The following C7orf57 variants were observed in gnomAD, a reference collection of about 807,000 sequenced individuals.
C7orf57 encodes the protein uncharacterized protein C7orf57.
In C7orf57, 33 loss-of-function variants were observed where a neutral mutation model predicts 39.0. The observed-to-expected ratio is 0.85, with a 90% confidence interval of 0.64 to 1.13. The LOEUF is 1.13. Among genes scored for constraint, C7orf57 ranks in the 50% most tolerant of loss-of-function variants. The pLI is 0.00. For synonymous variants in C7orf57, 124 were observed against 137.1 expected (o/e 0.90, Z 0.67); for missense variants, 346 against 362.3 (o/e 0.95, Z 0.37).
chr7:48,036,307 C>A lies in C7orf57; in HGVS notation c.-2C>A, dbSNP rs752340669. 3.0e-5 allele frequency: 48 copies of A among 1,585,456 alleles called. No individual in the cohort carries two copies. The highest frequency in any genetic ancestry group is 4.0e-5 in the Non-Finnish European group (47 of 1,166,210). ...TTTTCCCGCAGCGTGCAGCGCCTGA[C>A]CATGAGGAACACAAGCAAGGAACTT... is the stretch of plus-strand genomic sequence containing the variant. On this transcript the variant is annotated 5_prime_UTR_variant, in exon 2 of 9. Coordinates refer to ENST00000348904, the MANE Select transcript of C7orf57 (RefSeq NM_001100159.3).
intron 2 of C7orf57, among the ~76,000 whole-genome samples, chr7:48,039,970 T>C (rs1240853548): frequency 6.6e-6 from 1 of 152,154 alleles, no homozygotes; most frequent in East Asian, 1.9e-4. Flanking sequence ...TTTTCTTACA[T>C]TTGGGCATCT....
chr7:48,051,767 TTTC>T lies in C7orf57; in HGVS notation c.606-930_606-928del, dbSNP rs1308425607. On this transcript the variant is annotated intron_variant, in intron 6 of 8. Coordinates refer to ENST00000348904, the MANE Select transcript of C7orf57 (RefSeq NM_001100159.3). ...TCTTTTTCTTTTCTTTCTTTCTTTC[TTTC>T]TTTCTTTCTTTCTTTCTTTCTTTCT... Among the ~76,000 whole-genome samples the T allele has an allele frequency of 1.3e-3, 50 of 38,856 alleles. 5 individuals carry two copies. The highest frequency in any genetic ancestry group is 0.029 in the Middle Eastern group (2 of 68). 25.5% of individuals were successfully genotyped at this position (38,856 alleles called of 152,430 possible). A position where few individuals can be genotyped will look rare whatever the true frequency, so the allele number is the denominator to read the frequency against.
At chr7:48,054,061 T>C (rs1791039148) in intron 7 of C7orf57, among the ~76,000 whole-genome samples, 1 of 152,248 alleles carries the variant, frequency 6.6e-6, no homozygotes, top group Non-Finnish European at 1.5e-5. Flanking sequence ...ATTGGCCAAC[T>C]CTCTCCTTTA....
At chr7:48,038,956 G>C (rs1391104511) in intron 2 of C7orf57, among the ~76,000 whole-genome samples, 2 of 152,114 alleles carry the variant, frequency 1.3e-5, no homozygotes, top group East Asian at 3.9e-4. Flanking sequence ...ACACGGAATC[G>C]ATAGAAAGGA....
intron 2 of C7orf57, among the ~76,000 whole-genome samples, chr7:48,038,364 G>A (rs1375811069): frequency 7.0e-6 from 1 of 143,838 alleles, no homozygotes; most frequent in African/African-American, 2.7e-5. Flanking sequence ...GCATATCCAT[G>A]TCTATCTTTC....
At chr7:48,036,468 G>T (rs1156576111) in intron 2 of C7orf57, 105 bp downstream of exon 2, 5 of 1,102,134 alleles carry the variant, frequency 4.5e-6, no homozygotes, top group Non-Finnish European at 6.3e-6. Context: ...CTGGAGGGGG[G>T]TGTGAACGAT....
intron 8 of C7orf57, among the ~76,000 whole-genome samples, chr7:48,058,513 G>A (rs1446266634): frequency 6.6e-6 from 1 of 151,994 alleles, no homozygotes; most frequent in Non-Finnish European, 1.5e-5. Flanking sequence ...GTTGTCCTTT[G>A]TGGTCCTTTG....
At chr7:48,048,118 A>G (rs1295654509) in intron 5 of C7orf57, among the ~76,000 whole-genome samples, 2 of 152,172 alleles carry the variant, frequency 1.3e-5, no homozygotes, top group East Asian at 1.9e-4. Flanking sequence ...GCCCTTCACT[A>G]TGGGGAAGGA....
chr7:48,044,795 C>CT (rs1411344918), intron 4 of C7orf57, among the ~76,000 whole-genome samples: 1 of 152,196 alleles, frequency 6.6e-6, no homozygotes, highest in African/African-American at 2.4e-5. Flanking sequence ...TTTGAAATGT[C>CT]TAAGAAATTT....
At chr7:48,049,730 G>T in intron 5 of C7orf57, 150 bp from the exon 6 acceptor site, 1 of 601,302 alleles carries the variant, frequency 1.7e-6, no homozygotes. Flanking sequence ...TGAGATTATT[G>T]CTGAATTATA....
rs1790339545 is a variant in C7orf57, at chr7:48,035,881, CG to C, written c.-102+253del. Among the ~76,000 whole-genome samples, 2 of 152,008 alleles carry C rather than the reference CG, an allele frequency of 1.3e-5. No homozygotes were observed. On this transcript the variant is annotated intron_variant, in intron 1 of 8. Transcript: ENST00000348904. This position sits in a 1 kb window ranked among gnomAD's most constrained non-coding sequence, Gnocchi z 4.0. Reference sequence around the variant, plus strand: ...CGTGGACGTGCCTGTACTGGATACCCGGCGTGACGTGCCCCCTCTGTGTGCC... The same window carrying C: ...CGTGGACGTGCCTGTACTGGATACCCGCGTGACGTGCCCCCTCTGTGTGCC...
intron 4 of C7orf57, among the ~76,000 whole-genome samples, chr7:48,044,391 C>T (rs1459831694): frequency 1.3e-5 from 2 of 152,208 alleles, no homozygotes; most frequent in South Asian, 2.1e-4. Flanking sequence ...GCTCAAATGC[C>T]TGGGTTTATA....
At chr7:48,051,827 CTTT>C (rs1221369191) in intron 6 of C7orf57, among the ~76,000 whole-genome samples, 751 of 38,508 alleles carry the variant, frequency 0.02, 13 homozygotes, top group South Asian at 0.036. Flanking sequence ...CTCTTTCTTT[CTTT>C]CTTTCTTTCT....
At chr7:48,038,562 G>T (rs903006339) in intron 2 of C7orf57, among the ~76,000 whole-genome samples, 2 of 152,172 alleles carry the variant, frequency 1.3e-5, no homozygotes, top group African/African-American at 4.8e-5. Flanking sequence ...TGGTCTGGAG[G>T]AAGAATTTCC....
intron 4 of C7orf57, among the ~76,000 whole-genome samples, chr7:48,045,480 G>A (rs1408469890): frequency 2.0e-5 from 3 of 152,044 alleles, no homozygotes; most frequent in African/African-American, 7.2e-5. Context: ...GCCTCTGACC[G>A]CTGCTCTCTG....
At position 48,052,858 on chromosome 7, in the gene C7orf57, A is replaced by G; in HGVS notation, c.764A>G (p.Glu255Gly). The part of the protein sequence containing the change: ...SVLSQSPRDL[E>G]GPQDAARLQD... ...TTATCTCAGTCCCCACGAGACCTGGAAGGTCCCCAGGATGCAGCCAGGCTC... is the reference window on the plus strand; with the variant it reads ...TTATCTCAGTCCCCACGAGACCTGGGAGGTCCCCAGGATGCAGCCAGGCTC... Residue 255 changes from glutamate (E) to glycine (G), a missense_variant, in exon 7 of 9, where the codon GAA (glutamate) becomes GGA (glycine). Glu to Gly is a moderately conservative substitution (Grantham distance 98). Transcript: ENST00000348904. 1 of 1,614,000 alleles carries G rather than the reference A, an allele frequency of 6.2e-7. No homozygotes were observed. The highest frequency in any genetic ancestry group is 8.5e-7 in the Non-Finnish European group (1 of 1,179,892).
chr7:48,051,218 G>A (rs934421400), intron 6 of C7orf57, among the ~76,000 whole-genome samples: 1 of 152,006 alleles, frequency 6.6e-6, no homozygotes, highest in African/African-American at 2.4e-5. Flanking sequence ...GTCTTGCTCT[G>A]TTGCCCAGGC....
intron 8 of C7orf57, among the ~76,000 whole-genome samples, chr7:48,057,981 T>G (rs1035965216): frequency 2.6e-4 from 40 of 152,212 alleles, no homozygotes; most frequent in African/African-American, 8.7e-4. Flanking sequence ...ATTCTATTAA[T>G]GTAGTATATC....
At chr7:48,055,377 G>A (rs1317509703) in intron 8 of C7orf57, among the ~76,000 whole-genome samples, 1 of 152,128 alleles carries the variant, frequency 6.6e-6, no homozygotes, top group Non-Finnish European at 1.5e-5. Flanking sequence ...GCAATGCGAT[G>A]TTTTGATATA....
Sources: allele counts gnomAD v4.1 joint callset (sites outside exome capture counted in the v4.1 genomes callset), GRCh38; gene constraint gnomAD v4.1.1; non-coding constraint Gnocchi (gnomAD v3.1); transcripts MANE v1.5; gene names NCBI Gene and HGNC (gene_info 2026-07-23, HGNC 2026-07-21).